The following TERF1 variants were observed in gnomAD, a reference collection of about 807,000 sequenced individuals.
The protein encoded by TERF1 is telomeric repeat binding factor 1.
TERF1 carries 20 observed loss-of-function variants against 55.1 expected under a neutral mutation model. The ratio of observed to expected loss-of-function variants is 0.36; its 90% CI spans 0.26 to 0.53. The LOEUF is 0.53. Among genes scored for constraint, TERF1 ranks in the 20% least tolerant of loss-of-function variants. The pLI, the probability that TERF1 is intolerant of heterozygous loss-of-function variation, is 0.91. For synonymous variants in TERF1, 168 were observed against 181.2 expected (o/e 0.93, Z 0.59); for missense variants, 439 against 535.7 (o/e 0.82, Z 1.78).
At position 73,046,118 on chromosome 8, in the gene TERF1, C is replaced by T. The variant is rs771256301; in HGVS notation, c.1301C>T (p.Ser434Phe). ...WRTMKKLKLISSDSED is the reference protein window; with the variant it reads ...WRTMKKLKLIFSDSED ...ACCATGAAGAAACTAAAACTGATTT[C>T]CTCAGACAGCGAAGACTGATTGTGT... Residue 434 changes from serine to phenylalanine, a missense_variant, in exon 10 of 10, where the codon TCC becomes TTC. Ser to Phe is a radical substitution (Grantham distance 155). Coordinates refer to ENST00000276603, the MANE Select transcript of TERF1 (RefSeq NM_017489.3). The T allele has an allele frequency of 3.8e-5, 60 of 1,596,274 alleles. 1 individual carries two copies. The South Asian group carries it at 6.7e-4, about 18-fold the overall frequency.
At chr8:73,025,972 A>G (rs1238321837) in intron 5 of TERF1, among the ~76,000 whole-genome samples, 1 of 151,404 alleles carries the variant, frequency 6.6e-6, no homozygotes, top group African/African-American at 2.4e-5. Context: ...AAATGGGTAG[A>G]TCGCTTGATC....
At chr8:73,033,244 A>G (rs1809369283) in intron 8 of TERF1, among the ~76,000 whole-genome samples, 1 of 152,186 alleles carries the variant, frequency 6.6e-6, no homozygotes, top group Non-Finnish European at 1.5e-5. Context: ...TAAAATATTT[A>G]CATTCATAGA....
intron 8 of TERF1, among the ~76,000 whole-genome samples, chr8:73,034,586 G>A (rs1269423991): frequency 1.3e-5 from 2 of 151,988 alleles, no homozygotes; most frequent in East Asian, 1.9e-4. Context: ...ACTAATTTTT[G>A]TGTTGTAAAA....
At chr8:73,029,519 G>A (rs1369624720) in intron 6 of TERF1, among the ~76,000 whole-genome samples, 1 of 151,886 alleles carries the variant, frequency 6.6e-6, no homozygotes, top group Non-Finnish European at 1.5e-5. Flanking sequence ...AAGAGGCTTA[G>A]GTGAGAGGAT....
chr8:73,045,982 A>G lies in TERF1; in HGVS notation c.1165A>G (p.Lys389Glu). 1.3e-6 allele frequency: 2 copies of G among 1,582,216 alleles called. No homozygotes were observed. Among genetic ancestry groups the G allele is most frequent in the Non-Finnish European group, 8.6e-7 (1 of 1,167,686 alleles). Residue 389 changes from lysine to glutamate, a missense_variant, in exon 10 of 10, where the codon AAG (lysine) becomes GAG (glutamate). Lys to Glu is a moderately conservative substitution (Grantham distance 56). Transcript: ENST00000276603. ...AAAGGCATGGCTTTGGGAAGAAGAC[A>G]AGAATTTGAGATCTGGCGTGAGGAA... Reference protein sequence around the residue: ...KRQAWLWEEDKNLRSGVRKYG... With the variant: ...KRQAWLWEEDENLRSGVRKYG...
At chr8:73,037,988 G>T (rs926307923) in intron 8 of TERF1, among the ~76,000 whole-genome samples, 14 of 140,274 alleles carry the variant, frequency 1.0e-4, no homozygotes, top group African/African-American at 3.7e-4. Flanking sequence ...TTATTCCAAG[G>T]TTGGTTGAAT....
chr8:73,039,158 G>C lies in TERF1; in HGVS notation c.1082G>C (p.Arg361Thr). 3 of 1,605,590 alleles carry C rather than the reference G, an allele frequency of 1.9e-6. No individual in the cohort carries two copies. The highest frequency in any genetic ancestry group is 1.7e-6 in the Non-Finnish European group (2 of 1,176,584). The change falls in exon 9 of 10, where the codon AGA becomes ACA. Residue 361 changes from arginine to threonine, a missense_variant. Arg to Thr is a moderately conservative substitution (Grantham distance 71). Around this residue, in one of 4 missense-constraint regions of TERF1, gnomAD observed 140 missense variants for 158.6 expected, o/e 0.88. Transcript: ENST00000276603. The stretch of plus-strand genomic sequence containing the variant: ...GAAAGCAGAAGAGCCACTGAAAGCA[G>C]AATACCTGTTTCAAAGAGTCAGCCG... Reference protein sequence around the residue: ...KKESRRATESRIPVSKSQPVT... With the variant: ...KKESRRATESTIPVSKSQPVT...
chr8:73,022,104 C>T, intron 3 of TERF1, 112 bp from the exon 4 acceptor site: 1 of 586,418 alleles, frequency 1.7e-6, no homozygotes, highest in Non-Finnish European at 3.0e-6. Flanking sequence ...TATTAAGCTA[C>T]ATAAAAATGT....
At chr8:73,021,685 A>G (rs1201900426) in intron 3 of TERF1, among the ~76,000 whole-genome samples, 1 of 152,212 alleles carries the variant, frequency 6.6e-6, no homozygotes, top group Non-Finnish European at 1.5e-5. Flanking sequence ...TACCAAGTTT[A>G]CATAGCTACC....
chr8:73,043,832 A>G (rs1182853993), intron 9 of TERF1, among the ~76,000 whole-genome samples: 2 of 152,256 alleles, frequency 1.3e-5, no homozygotes, highest in Non-Finnish European at 2.9e-5. Flanking sequence ...GTATATGTGT[A>G]TGAAATTTGT....
chr8:73,030,116 A>G (rs1005871610), intron 6 of TERF1: 1 of 372,542 alleles, frequency 2.7e-6, no homozygotes, highest in East Asian at 4.1e-5. Context: ...ACCATTAATT[A>G]TGCTTATGTT....
chr8:73,022,198 G>A lies in TERF1; in HGVS notation c.538-18G>A, dbSNP rs367991518. On this transcript the variant is annotated intron_variant, in intron 3 of 9. Coordinates refer to ENST00000276603, the MANE Select transcript of TERF1 (RefSeq NM_017489.3). Reference sequence around the variant, plus strand: ...TATTTATAAACGCAGTCTAAGGTTGGTATTTTTCATCTTTTAGGCTATAGC... The same window carrying A: ...TATTTATAAACGCAGTCTAAGGTTGATATTTTTCATCTTTTAGGCTATAGC... 26 of 1,517,064 alleles carry A rather than the reference G, an allele frequency of 1.7e-5. No homozygotes were observed. Among genetic ancestry groups the A allele is most frequent in the Non-Finnish European group, 2.2e-5 (24 of 1,115,382 alleles). The allele number at this position is 1,517,064 out of a possible 1,614,324, so 94.0% of individuals were successfully genotyped here. A position where few individuals can be genotyped will look rare whatever the true frequency, so the allele number is the denominator to read the frequency against.
At chr8:73,040,272 G>A (rs1346807093) in intron 9 of TERF1, among the ~76,000 whole-genome samples, 5 of 152,036 alleles carry the variant, frequency 3.3e-5, no homozygotes, top group Admixed American at 2.6e-4. Flanking sequence ...AGAGATTTAG[G>A]GGGTGTACCT....
rs1232274008 is a variant in TERF1 at position 73,047,140 on chromosome 8, A to T, written c.*1003A>T. On this transcript the variant is annotated 3_prime_UTR_variant, in exon 10 of 10. Transcript: ENST00000276603. Reference sequence around the variant, plus strand: ...AACCTCAACATCACACAGTATACTCAGCTAACAAACCTGCCCATGTGTTTC... The same window carrying T: ...AACCTCAACATCACACAGTATACTCTGCTAACAAACCTGCCCATGTGTTTC... 1.3e-5 allele frequency: 2 copies of T among 152,196 alleles called. No homozygotes were observed. The highest frequency in any genetic ancestry group is 2.9e-5 in the Non-Finnish European group (2 of 68,044). 9.4% of individuals were successfully genotyped at this position (152,196 alleles called of 1,614,324 possible).
intron 6 of TERF1, 107 bp downstream of exon 6, chr8:73,027,159 CT>C: frequency 1.3e-6 from 1 of 782,546 alleles, no homozygotes. Flanking sequence ...AGCATGTTAT[CT>C]TGCTGATGAT....
At position 73,022,111 on chromosome 8, in the gene TERF1, A is replaced by G. The variant is rs912379186; in HGVS notation, c.538-105A>G. ...ATTAAAATTATTAAGCTACATAAAA[A>G]TGTTCTCAACAGAGGATTTCAGACT... On this transcript the variant is annotated intron_variant, in intron 3 of 9. Coordinates refer to ENST00000276603, the MANE Select transcript of TERF1 (RefSeq NM_017489.3). 10 of 613,952 alleles carry G rather than the reference A, an allele frequency of 1.6e-5. No homozygotes were observed. In the Admixed American group the frequency reaches 1.7e-4, roughly 11 times the overall value. The allele number at this position is 613,952 out of a possible 1,614,324, so 38.0% of individuals were successfully genotyped here.
chr8:73,031,940 T>C (rs1809303595), intron 7 of TERF1, 102 bp from the exon 8 acceptor site: 2 of 727,910 alleles, frequency 2.7e-6, no homozygotes, highest in African/African-American at 3.6e-5. Context: ...GCCAAAGTAT[T>C]AATAGAAGAT....
intron 1 of TERF1, 81 bp downstream of exon 1, chr8:73,009,286 C>T: frequency 3.9e-6 from 3 of 771,938 alleles, no homozygotes; most frequent in Non-Finnish European, 5.5e-6. Context: ...GGCTGGTTCC[C>T]TACGTCGCCG....
chr8:73,034,602 A>G (rs974059974), intron 8 of TERF1, among the ~76,000 whole-genome samples: 1 of 152,186 alleles, frequency 6.6e-6, no homozygotes, highest in Non-Finnish European at 1.5e-5. Context: ...TAAAATTGAC[A>G]TATGCTTAGG....
Sources: gnomAD v4.1 joint callset for allele counts (sites outside exome capture counted in the v4.1 genomes callset) on GRCh38, gnomAD v4.1.1 for gene constraint, gnomAD v4.1.1 regional missense constraint, MANE v1.5 for transcripts, NCBI Gene and HGNC (gene_info 2026-07-23, HGNC 2026-07-21) for gene names.